The following PRKCZ variants were observed in gnomAD, a reference collection of about 807,000 sequenced individuals.
PRKCZ encodes protein kinase C zeta type.
PRKCZ carries 33 observed loss-of-function variants against 79.5 expected under a neutral mutation model. The ratio of observed to expected loss-of-function variants is 0.41; its 90% CI spans 0.31 to 0.55. The LOEUF (loss-of-function observed/expected upper bound fraction) is 0.55, where lower values mean the gene tolerates loss of function less well. PRKCZ is among the 20% of genes least tolerant of loss of function. The pLI is 0.19. For missense variants in PRKCZ, 578 were observed against 813.5 expected (o/e 0.71, Z 3.52); for synonymous variants, 342 against 320.9 (o/e 1.07, Z -0.70).
At chr1:2,105,848 A>G (rs756441718) in intron 4 of PRKCZ, among the ~76,000 whole-genome samples, 1 of 152,138 alleles carries the variant, frequency 6.6e-6, no homozygotes, top group Non-Finnish European at 1.5e-5. Context: ...TCAGACACAT[A>G]GTTGTCATCG....
intron 4 of PRKCZ, among the ~76,000 whole-genome samples, chr1:2,101,605 C>T (rs1234105239): frequency 2.6e-5 from 4 of 152,198 alleles, no homozygotes; most frequent in Non-Finnish European, 4.4e-5. Flanking sequence ...CTGCAGGGCC[C>T]GGGGCAAAGG....
Position 2,172,376 on chromosome 1 carries a change from G to C in PRKCZ, c.1273G>C (p.Gly425Arg). ...TTACATCGCCCCCGAAATCCTGCGGGGAGAGGAGTACGGTGAGTGCCGCTG... is the reference window on the plus strand; with the variant it reads ...TTACATCGCCCCCGAAATCCTGCGGCGAGAGGAGTACGGTGAGTGCCGCTG... ...PNYIAPEILR[G>R]EEYGFSVDWW... The change falls in exon 13 of 18, where the codon GGA (glycine) becomes CGA (arginine). Residue 425 changes from glycine (G) to arginine (R), a missense_variant. By Grantham distance (125) the Gly-to-Arg change is moderately radical (BLOSUM62 -2). Around this residue, in one of 4 missense-constraint regions of PRKCZ, gnomAD observed 243 missense variants for 467.0 expected, o/e 0.52. Coordinates refer to ENST00000378567, the MANE Select transcript of PRKCZ (RefSeq NM_002744.6). This position sits in a 1 kb window ranked among gnomAD's most constrained non-coding sequence, Gnocchi z 7.8. The C allele has an allele frequency of 1.2e-6, 2 of 1,613,036 alleles. No individual in the cohort carries two copies. Among genetic ancestry groups the C allele is most frequent in the Non-Finnish European group, 1.7e-6 (2 of 1,179,878 alleles).
rs1229062269 is a variant in PRKCZ at position 2,184,674 on chromosome 1, C to T, written c.1667C>T (p.Pro556Leu). 6.2e-7 allele frequency: 1 copy of T among 1,613,822 alleles called. No homozygotes were observed. The highest frequency in any genetic ancestry group is 8.5e-7 in the Non-Finnish European group (1 of 1,179,896). The change falls in exon 17 of 18, where the codon CCC becomes CTC. Residue 556 changes from proline (P) to leucine (L), a missense_variant. This residue lies in a region of PRKCZ where 243 missense variants were observed against 467.0 expected (regional missense o/e 0.52). Coordinates refer to ENST00000378567, the MANE Select transcript of PRKCZ (RefSeq NM_002744.6). ...DNFDTQFTSE[P>L]VQLTPDDEDA... ...TTTGACACACAGTTCACCAGCGAGC[C>T]CGTGCAGCTGACCCCAGACGATGAG...
intron 4 of PRKCZ, among the ~76,000 whole-genome samples, chr1:2,077,910 C>T (rs775308634): frequency 2.0e-4 from 30 of 152,200 alleles, no homozygotes; most frequent in African/African-American, 5.1e-4. Flanking sequence ...TACCTAATTG[C>T]GGGTGACGTG....
At chr1:2,182,854 T>A (rs115432627) in intron 16 of PRKCZ, 175 of 152,416 alleles carry the variant, frequency 1.1e-3, no homozygotes, top group African/African-American at 4.1e-3. Flanking sequence ...TGAGAGAGAG[T>A]GGGTTAGAGA....
upstream of PRKCZ, chr1:2,049,903 ATTC>A (rs1342915439): frequency 6.6e-6 from 1 of 152,210 alleles, no homozygotes; most frequent in Admixed American, 6.5e-5. Context: ...GGGACCTTGG[ATTC>A]GCTGGGGGCG....
rs1241344879 is a variant in PRKCZ at position 2,135,337 on chromosome 1, G to A, written c.410G>A (p.Arg137His). 2.0e-5 allele frequency: 33 copies of A among 1,611,896 alleles called. No individual in the cohort carries two copies. The highest frequency in any genetic ancestry group is 3.3e-5 in the South Asian group (3 of 90,992). The change falls in exon 5 of 18, where the codon CGC (arginine) becomes CAC (histidine). Residue 137 changes from arginine to histidine, a missense_variant. Arg to His is a conservative substitution (Grantham distance 29, BLOSUM62 0). Transcript: ENST00000378567. ...AACGGCCACCTCTTCCAAGCCAAGC[G>A]CTTTAACAGGGTGAGTGGCCCCCTT... ...RANGHLFQAKRFNRRAYCGQC... is the reference protein window; with the variant it reads ...RANGHLFQAKHFNRRAYCGQC...
intron 10 of PRKCZ, among the ~76,000 whole-genome samples, chr1:2,157,527 C>T (rs1478810747): frequency 1.3e-5 from 2 of 152,094 alleles, no homozygotes; most frequent in Non-Finnish European, 2.9e-5. Flanking sequence ...AAGCAATTCT[C>T]CTGCCTCAGC....
At chr1:2,114,416 G>T (rs1218221295) in intron 4 of PRKCZ, among the ~76,000 whole-genome samples, 1 of 152,214 alleles carries the variant, frequency 6.6e-6, no homozygotes, top group East Asian at 1.9e-4. Context: ...TAATCAAACA[G>T]CAGGTTGACT....
chr1:2,174,979 C>G lies in PRKCZ; in HGVS notation c.1485+146C>G, dbSNP rs1315859680. On this transcript the variant is annotated intron_variant, in intron 15 of 17. Coordinates refer to ENST00000378567, the MANE Select transcript of PRKCZ (RefSeq NM_002744.6). The surrounding 1 kb of genome is among the most constrained non-coding windows in gnomAD (Gnocchi z 6.2). Reference sequence around the variant, plus strand: ...GATTTTCCGCTTCAGTATTTGAGCTCTGTGTTCTGTGAATCGTCCGTTTTT... The same window carrying G: ...GATTTTCCGCTTCAGTATTTGAGCTGTGTGTTCTGTGAATCGTCCGTTTTT... 5 of 869,060 alleles carry G rather than the reference C, an allele frequency of 5.8e-6. No individual in the cohort carries two copies. In the Admixed American group the frequency reaches 7.0e-5, roughly 12 times the overall value. The allele number at this position is 869,060 out of a possible 1,614,324, so 53.8% of individuals were successfully genotyped here.
chr1:2,049,554 C>T (rs923282568), upstream of PRKCZ: 3 of 152,374 alleles, frequency 2.0e-5, no homozygotes, highest in African/African-American at 4.8e-5. Flanking sequence ...GGTCCACTCT[C>T]AGGGGAGAGG....
At chr1:2,057,190 C>T (rs1468866282) in intron 3 of PRKCZ, among the ~76,000 whole-genome samples, 2 of 152,232 alleles carry the variant, frequency 1.3e-5, no homozygotes, top group East Asian at 3.8e-4. Flanking sequence ...AGGCCCGGCT[C>T]CAGGCTCACA....
In PRKCZ at chr1:2,150,755, C is replaced by T. The variant is rs758288113; in HGVS notation, c.688-35C>T. ...TCCTCTGAGTCTCCCGGGAACCCCC[C>T]TCTCACTTTCTGGGGTCTTGTTCTC... On this transcript the variant is annotated intron_variant, in intron 8 of 17. Transcript: ENST00000378567. The T allele has an allele frequency of 5.7e-6, 9 of 1,592,704 alleles. No homozygotes were observed. The African/African-American group carries it at 1.1e-4, about 19-fold the overall frequency.
Position 2,178,098 on chromosome 1 carries a change from A to T in PRKCZ, c.1575+2785A>T, listed in dbSNP as rs533166611. 6.6e-6 allele frequency among the ~76,000 whole-genome samples: 1 copy of T among 152,014 alleles called. No individual in the cohort carries two copies. Among genetic ancestry groups the T allele is most frequent in the East Asian group, 1.9e-4 (1 of 5,174 alleles). On this transcript the variant is annotated intron_variant, in intron 16 of 17. Transcript: ENST00000378567. This position sits in a 1 kb window ranked among gnomAD's most constrained non-coding sequence, Gnocchi z 4.3. ...CAGAAGGAAGGTCCTCCTCCCATTC[A>T]CCCAACGCCTGCAACTCAGTGGTTC...
chr1:2,151,589 CTG>C (rs1352242009), intron 9 of PRKCZ, among the ~76,000 whole-genome samples: 2 of 152,192 alleles, frequency 1.3e-5, no homozygotes, highest in Admixed American at 6.5e-5. Context: ...TGCCGTGGCT[CTG>C]TGTAGCAGAT....
intron 4 of PRKCZ, among the ~76,000 whole-genome samples, chr1:2,068,230 G>C (rs924376503): frequency 6.6e-6 from 1 of 152,214 alleles, no homozygotes; most frequent in Non-Finnish European, 1.5e-5. Flanking sequence ...GGGGCGGCCC[G>C]GCTTCGATGC....
chr1:2,088,893 C>A (rs1223747081), intron 4 of PRKCZ, among the ~76,000 whole-genome samples: 3 of 152,224 alleles, frequency 2.0e-5, no homozygotes, highest in African/African-American at 7.2e-5. Flanking sequence ...CAGAAAAGCT[C>A]AAATTGCTCT....
intron 16 of PRKCZ, chr1:2,183,944 C>T (rs944308569): frequency 6.6e-6 from 1 of 152,474 alleles, no homozygotes; most frequent in African/African-American, 2.4e-5. Flanking sequence ...GTCACTGGGA[C>T]AAGTGGCCAT....
chr1:2,131,913 G>A (rs1005832418), intron 4 of PRKCZ, among the ~76,000 whole-genome samples: 1 of 152,222 alleles, frequency 6.6e-6, no homozygotes, highest in African/African-American at 2.4e-5. Flanking sequence ...CCGGGTTCAC[G>A]CCATTCTCCT....
Sources: allele counts gnomAD v4.1 joint callset (sites outside exome capture counted in the v4.1 genomes callset), GRCh38; gene constraint gnomAD v4.1.1; regional missense constraint gnomAD v4.1.1; non-coding constraint Gnocchi (gnomAD v3.1); transcripts MANE v1.5; gene names NCBI Gene and HGNC (gene_info 2026-07-23, HGNC 2026-07-21).